CSMD1: variants seen among roughly 807,000 people sequenced by gnomAD.
CSMD1 encodes CUB and sushi domain-containing protein 1.
CSMD1 carries 213 observed loss-of-function variants against 417.5 expected under a neutral mutation model. The ratio of observed to expected loss-of-function variants is 0.51; its 90% CI spans 0.46 to 0.57. The LOEUF is 0.57. Among genes scored for constraint, CSMD1 ranks in the 20% least tolerant of loss-of-function variants. The probability of loss-of-function intolerance (pLI) is 0.00; values close to 1 mark genes in which losing one functional copy is unlikely to be tolerated. For missense variants in CSMD1, 6,923 were observed against 4,529.7 expected (o/e 1.53, Z -15.17); for synonymous variants, 2,862 against 1,736.8 (o/e 1.65, Z -16.11).
At chr8:4,579,565 T>A (rs1799316459) in intron 2 of CSMD1, among the ~76,000 whole-genome samples, 1 of 152,132 alleles carries the variant, frequency 6.6e-6, no homozygotes, top group African/African-American at 2.4e-5. Flanking sequence ...GGTCTCAGCA[T>A]GTTAGCCAGG....
chr8:3,439,773 A>G (rs1452893463), intron 12 of CSMD1, among the ~76,000 whole-genome samples: 2 of 152,124 alleles, frequency 1.3e-5, no homozygotes, highest in Non-Finnish European at 2.9e-5. Context: ...CTTTTACTAA[A>G]ACTTTTATAT....
intron 2 of CSMD1, among the ~76,000 whole-genome samples, chr8:4,569,353 T>C (rs1798770894): frequency 6.6e-6 from 1 of 152,204 alleles, no homozygotes; most frequent in Non-Finnish European, 1.5e-5. Flanking sequence ...GTTACAGTTT[T>C]CTGCATATGG....
chr8:4,057,266 C>T (rs1263051765), intron 3 of CSMD1, among the ~76,000 whole-genome samples: 2 of 152,142 alleles, frequency 1.3e-5, no homozygotes, highest in African/African-American at 4.8e-5. Flanking sequence ...TTTTGATTTG[C>T]ATTTCTCTGA....
chr8:4,586,951 T>G (rs1743757885), intron 2 of CSMD1, among the ~76,000 whole-genome samples: 1 of 152,248 alleles, frequency 6.6e-6, no homozygotes, highest in South Asian at 2.1e-4. Context: ...GAATCTGTAC[T>G]GTGTAAGAGA....
chr8:4,895,594 C>T (rs1464790058), intron 1 of CSMD1, among the ~76,000 whole-genome samples: 2 of 151,814 alleles, frequency 1.3e-5, no homozygotes, highest in African/African-American at 2.4e-5. Flanking sequence ...TATAGTTATT[C>T]GGGGGCTTCT....
At chr8:3,476,708 A>G (rs1472993996) in intron 11 of CSMD1, among the ~76,000 whole-genome samples, 2 of 152,066 alleles carry the variant, frequency 1.3e-5, no homozygotes, top group Non-Finnish European at 2.9e-5. Context: ...ACTTGAGGTC[A>G]GGAGTTCGAG....
intron 3 of CSMD1, among the ~76,000 whole-genome samples, chr8:4,330,460 G>A (rs1011107726): frequency 3.9e-5 from 6 of 151,930 alleles, no homozygotes; most frequent in African/African-American, 1.5e-4. Context: ...CATGTTGGCA[G>A]GTGCCTGTAA....
At chr8:4,011,938 T>A (rs1305158927) in intron 4 of CSMD1, among the ~76,000 whole-genome samples, 1 of 152,090 alleles carries the variant, frequency 6.6e-6, no homozygotes, top group African/African-American at 2.4e-5. Context: ...CCCATATACT[T>A]TAAATCATCT....
intron 3 of CSMD1, among the ~76,000 whole-genome samples, chr8:4,394,096 G>T (rs1483630341): frequency 6.6e-6 from 1 of 152,068 alleles, no homozygotes; most frequent in South Asian, 2.1e-4. Context: ...TCCTCTCAGA[G>T]CACTAACGAT....
chr8:3,364,569 C>T (rs1289738044), intron 20 of CSMD1, among the ~76,000 whole-genome samples: 1 of 152,180 alleles, frequency 6.6e-6, no homozygotes. Context: ...TACCCAAAAT[C>T]CATGTGCTGG....
intron 21 of CSMD1, among the ~76,000 whole-genome samples, chr8:3,354,917 G>GTCTATCCATAGA (rs1808670273): frequency 1.4e-5 from 2 of 142,070 alleles, no homozygotes; most frequent in African/African-American, 2.7e-5. Context: ...CTATAGATAT[G>GTCTATCCATAGA]TCTATCTATA....
chr8:3,285,111 G>T (rs890350726), intron 25 of CSMD1, among the ~76,000 whole-genome samples: 3 of 152,224 alleles, frequency 2.0e-5, no homozygotes, highest in East Asian at 1.9e-4. Flanking sequence ...AGCCCTGAAT[G>T]GGTCTGATTT....
chr8:4,685,169 G>C (rs754129627), intron 1 of CSMD1, among the ~76,000 whole-genome samples: 1 of 152,194 alleles, frequency 6.6e-6, no homozygotes, highest in African/African-American at 2.4e-5. Flanking sequence ...AAACATAATG[G>C]ACAAGAAAGG....
At chr8:3,266,444 A>G (rs1341672971) in intron 26 of CSMD1, among the ~76,000 whole-genome samples, 1 of 151,594 alleles carries the variant, frequency 6.6e-6, no homozygotes, top group Non-Finnish European at 1.5e-5. Flanking sequence ...CATTTCTATG[A>G]AAAATACAAA....
At chr8:4,594,597 T>C (rs1467073575) in intron 2 of CSMD1, among the ~76,000 whole-genome samples, 3 of 152,142 alleles carry the variant, frequency 2.0e-5, no homozygotes, top group Admixed American at 1.3e-4. Context: ...ACTTAACCCA[T>C]AACAGGAAAC....
chr8:4,287,801 C>G (rs554188704), intron 3 of CSMD1, among the ~76,000 whole-genome samples: 1 of 151,948 alleles, frequency 6.6e-6, no homozygotes, highest in African/African-American at 2.4e-5. Context: ...TATCTCTCCT[C>G]CAACCTCTCT....
At position 4,085,652 on chromosome 8, in the gene CSMD1, G is replaced by C. The variant is rs1016742530; in HGVS notation, c.416-53553C>G. The stretch of plus-strand genomic sequence containing the variant: ...GCTAAGTGAAAAAAACCAGCCCTAG[G>C]TTTTTGCATACTGTGTGATTCCAGG... On this transcript the variant is annotated intron_variant, in intron 3 of 69. Transcript: ENST00000635120. Among the ~76,000 whole-genome samples, 3 of 152,146 alleles carry C rather than the reference G, an allele frequency of 2.0e-5. No homozygotes were observed. In the South Asian group the frequency reaches 6.2e-4, roughly 32 times the overall value.
chr8:3,107,535 C>A (rs919262369), intron 45 of CSMD1, among the ~76,000 whole-genome samples, 183 bp downstream of exon 45: 4 of 152,010 alleles, frequency 2.6e-5, no homozygotes, highest in African/African-American at 9.7e-5. Context: ...CAGACATTTT[C>A]TATTTGATAC....
At chr8:3,779,067 C>G (rs1799039526) in intron 5 of CSMD1, among the ~76,000 whole-genome samples, 2 of 151,950 alleles carry the variant, frequency 1.3e-5, no homozygotes, top group African/African-American at 4.8e-5. Flanking sequence ...CATTCCTGTT[C>G]TCCTCTAAAT....
Sources: allele counts gnomAD v4.1 joint callset (sites outside exome capture counted in the v4.1 genomes callset), GRCh38; gene constraint gnomAD v4.1.1; transcripts MANE v1.5; gene names NCBI Gene and HGNC (gene_info 2026-07-23, HGNC 2026-07-21).